The following PALM variants were observed in gnomAD, a reference collection of about 807,000 sequenced individuals.
The protein encoded by PALM is paralemmin-1.
In PALM, 18 loss-of-function variants were observed where a neutral mutation model predicts 30.7. The ratio of observed to expected loss-of-function variants is 0.59; its 90% confidence interval spans 0.41 to 0.87. The LOEUF is 0.87. Among genes scored for constraint, PALM ranks in the 40% least tolerant of loss-of-function variants. PALM has a pLI of 0.00. For synonymous variants in PALM, 286 were observed against 242.8 expected, an observed-to-expected ratio of 1.18 and a Z score of -1.66; for missense variants, 529 against 555.4, an observed-to-expected ratio of 0.95 and a Z score of 0.48.
At chr19:726,215 G>T (rs1406643022) in intron 2 of PALM, 26 bp downstream of exon 2, 2 of 1,609,482 alleles carry the variant, frequency 1.2e-6, no homozygotes, top group Admixed American at 3.3e-5. Context: ...CCCGCAGACG[G>T]TGTGGTCAGG....
At chr19:713,908 CTTT>C (rs200551039) in intron 1 of PALM, among the ~76,000 whole-genome samples, 6 of 123,762 alleles carry the variant, frequency 4.8e-5, no homozygotes, top group Admixed American at 8.3e-5. Context: ...TTCTTTCTTT[CTTT>C]TTTTTTTTTT....
intron 5 of PALM, 89 bp from the exon 6 acceptor site, chr19:734,084 A>G (rs889288267): frequency 9.6e-6 from 12 of 1,255,130 alleles, no homozygotes; most frequent in Non-Finnish European, 1.4e-5. Context: ...CCACTGTGCC[A>G]TGCCCTCCCC....
At chr19:731,820 C>T (rs1234384671) in intron 5 of PALM, among the ~76,000 whole-genome samples, 1 of 152,028 alleles carries the variant, frequency 6.6e-6, no homozygotes, top group Non-Finnish European at 1.5e-5. Context: ...CCACCATACC[C>T]GGCTAATTTT....
At chr19:727,197 ACCCTGCCTCCAG>A in intron 3 of PALM, 109 bp downstream of exon 3, 2 of 745,434 alleles carry the variant, frequency 2.7e-6, no homozygotes. Flanking sequence ...CCTGACCCTG[ACCCTGCCTCCAG>A]CCCTGACCCT....
At chr19:714,459 T>C (rs946508967) in intron 1 of PALM, among the ~76,000 whole-genome samples, 5 of 143,604 alleles carry the variant, frequency 3.5e-5, no homozygotes, top group Admixed American at 1.4e-4. Flanking sequence ...CCCAGGTTCA[T>C]GCCATTCTCC....
At chr19:722,205 A>ACT (rs1444712036) in intron 1 of PALM, among the ~76,000 whole-genome samples, 1 of 152,194 alleles carries the variant, frequency 6.6e-6, no homozygotes, top group African/African-American at 2.4e-5. Context: ...GGCGTGAGCC[A>ACT]GCGCACCCGG....
At chr19:721,135 A>AGGC (rs2032463755) in intron 1 of PALM, among the ~76,000 whole-genome samples, 1 of 152,180 alleles carries the variant, frequency 6.6e-6, no homozygotes, top group Non-Finnish European at 1.5e-5. Context: ...GGCTTGGTGC[A>AGGC]TAGCCAGGGG....
chr19:722,164 C>G (rs552986658), intron 1 of PALM, among the ~76,000 whole-genome samples: 3 of 151,852 alleles, frequency 2.0e-5, no homozygotes, highest in African/African-American at 7.3e-5. Flanking sequence ...GTGATCCGCC[C>G]GCCTCGGCCT....
At chr19:735,756 CCCA>C (rs1424304033) in intron 6 of PALM, among the ~76,000 whole-genome samples, 2 of 81,102 alleles carry the variant, frequency 2.5e-5, no homozygotes, top group East Asian at 6.6e-4. Flanking sequence ...TGTCTGAGGG[CCCA>C]GGTGCCTGTC....
intron 1 of PALM, among the ~76,000 whole-genome samples, chr19:714,723 C>T (rs2032201879): frequency 6.6e-6 from 1 of 152,006 alleles, no homozygotes; most frequent in South Asian, 2.1e-4. Flanking sequence ...GATCATAGCT[C>T]ACTGCAGCCT....
Position 737,280 on chromosome 19 carries a change from C to G in PALM, c.502+1202C>G, listed in dbSNP as rs184953994. The stretch of plus-strand genomic sequence containing the variant: ...CTGGCAGACACCGAGGCCCAGGTCC[C>G]CCGCTGATCCCCGTGGCCACTGACT... On this transcript the variant is annotated intron_variant, in intron 7 of 8. Coordinates refer to ENST00000338448, the MANE Select transcript of PALM (RefSeq NM_002579.3). 4.1e-3 allele frequency among the ~76,000 whole-genome samples: 619 copies of G among 152,338 alleles called. 3 individuals carry two copies. Among genetic ancestry groups the G allele is most frequent in the African/African-American group, 0.014 (581 of 41,570 alleles).
Position 746,456 on chromosome 19 carries a change from C to A in PALM, c.806C>A (p.Ser269Tyr), listed in dbSNP as rs756832811. The A allele has an allele frequency of 6.2e-7, 1 of 1,609,292 alleles. No individual in the cohort carries two copies. The highest frequency in any genetic ancestry group is 1.7e-5 in the Admixed American group (1 of 59,664). Residue 269 changes from serine to tyrosine, a missense_variant, in exon 9 of 9, where the codon TCC becomes TAC. Coordinates refer to ENST00000338448, the MANE Select transcript of PALM (RefSeq NM_002579.3). The surrounding 1 kb of genome is among the most constrained non-coding windows in gnomAD (Gnocchi z 7.1). The stretch of plus-strand genomic sequence containing the variant: ...GAGGGGGCAGCCCGGACCACGCCCT[C>A]CCGGCGGGAGATCACCGGTGTGCAG... The part of the protein sequence containing the change: ...AVEGAARTTP[S>Y]RREITGVQAQ...
chr19:748,126 G>C lies in PALM; in HGVS notation c.*1312G>C, dbSNP rs1384639921. The C allele has an allele frequency of 6.6e-6, 1 of 152,108 alleles. No homozygotes were observed. The highest frequency in any genetic ancestry group is 2.4e-5 in the African/African-American group (1 of 41,346). 9.4% of individuals were successfully genotyped at this position (152,108 alleles called of 1,614,324 possible). On this transcript the variant is annotated 3_prime_UTR_variant, in exon 9 of 9. Transcript: ENST00000338448. The stretch of plus-strand genomic sequence containing the variant: ...CCTGCCTCCGCTCTGCCCCTGGGTG[G>C]CTGGGAGGAGAGGCCCTCTCGGGGG...
intron 4 of PALM, among the ~76,000 whole-genome samples, chr19:730,766 G>A (rs1311267092): frequency 1.3e-5 from 2 of 152,174 alleles, no homozygotes; most frequent in Non-Finnish European, 2.9e-5. Flanking sequence ...TTGGGAGGAT[G>A]AGGCGGGCAG....
rs559152790 is a variant in PALM, at chr19:736,483, A to G, written c.502+405A>G. 5.9e-5 allele frequency among the ~76,000 whole-genome samples: 9 copies of G among 152,282 alleles called. No individual in the cohort carries two copies. The South Asian group carries it at 1.7e-3, about 28-fold the overall frequency. On this transcript the variant is annotated intron_variant, in intron 7 of 8. Coordinates refer to ENST00000338448, the MANE Select transcript of PALM (RefSeq NM_002579.3). ...AGTAGGACTGGCTGCCCCGGGAGAA[A>G]GTGGGTGCCCCGTCCCTGGAGGCAA...
At chr19:731,339 G>A in intron 5 of PALM, 94 bp downstream of exon 5, 1 of 1,171,940 alleles carries the variant, frequency 8.5e-7, no homozygotes, top group Non-Finnish European at 1.2e-6. Flanking sequence ...CGTAGCTGAG[G>A]GGACAGGCAC....
intron 1 of PALM, among the ~76,000 whole-genome samples, chr19:725,281 G>A (rs957277036): frequency 5.9e-5 from 9 of 151,800 alleles, no homozygotes; most frequent in South Asian, 4.2e-4. Context: ...TGATTGGGCC[G>A]GGCGCGGTGG....
At chr19:721,391 G>C (rs1405553634) in intron 1 of PALM, among the ~76,000 whole-genome samples, 3 of 151,942 alleles carry the variant, frequency 2.0e-5, no homozygotes, top group African/African-American at 7.3e-5. Context: ...TCAGCCTCCC[G>C]AGTAGCTGGG....
chr19:723,253 C>T (rs2032551344), intron 1 of PALM, among the ~76,000 whole-genome samples: 2 of 152,056 alleles, frequency 1.3e-5, no homozygotes, highest in Admixed American at 6.6e-5. Flanking sequence ...TCTTTGGAGG[C>T]AGGGCTGGCT....
Sources: gnomAD v4.1 joint callset for allele counts (sites outside exome capture counted in the v4.1 genomes callset) on GRCh38, gnomAD v4.1.1 for gene constraint, Gnocchi (gnomAD v3.1) non-coding constraint, MANE v1.5 for transcripts, NCBI Gene and HGNC (gene_info 2026-07-23, HGNC 2026-07-21) for gene names.